The following PCDHGB2 variants were observed in gnomAD, a reference collection of about 807,000 sequenced individuals.
PCDHGB2 encodes the protein protocadherin gamma subfamily B, 2, also known as protocadherin gamma-B2.
In PCDHGB2, 55 loss-of-function variants were observed where a neutral mutation model predicts 59.3. The observed-to-expected ratio is 0.93, with a 90% CI of 0.75 to 1.16. PCDHGB2 has a LOEUF of 1.16. Ranked by LOEUF, PCDHGB2 falls within the 50% of genes most tolerant of loss-of-function variation. The probability of loss-of-function intolerance (pLI) is 0.00; values close to 1 mark genes in which losing one functional copy is unlikely to be tolerated. For synonymous variants in PCDHGB2, 516 were observed against 512.0 expected, an observed-to-expected ratio of 1.01 and a Z score of -0.11; for missense variants, 1,228 against 1,198.5, an observed-to-expected ratio of 1.02 and a Z score of -0.36.
At chr5:141,398,908 G>C (rs2093725359) in intron 1 of PCDHGB2, 1 of 1,613,860 alleles carries the variant, frequency 6.2e-7, no homozygotes, top group South Asian at 1.1e-5. Flanking sequence ...AGGCACCACT[G>C]TGTTGCAAGT....
chr5:141,407,873 A>T (rs561323423), intron 1 of PCDHGB2: 1 of 354,686 alleles, frequency 2.8e-6, no homozygotes, highest in Non-Finnish European at 5.1e-6. Flanking sequence ...CGAAGAATAT[A>T]TACATTTCGG....
At chr5:141,409,294 G>T (rs1438036410) in intron 1 of PCDHGB2, 11 of 1,613,826 alleles carry the variant, frequency 6.8e-6, no homozygotes, top group South Asian at 1.1e-5. Flanking sequence ...CTCCAGGAAT[G>T]GTTGTTGCCC....
At position 141,423,009 on chromosome 5, in the gene PCDHGB2, G is replaced by A. The variant is rs371209178; in HGVS notation, c.2421+60453G>A. 28 of 1,614,222 alleles carry A rather than the reference G, an allele frequency of 1.7e-5. No individual in the cohort carries two copies. The East Asian group carries it at 4.9e-4, about 28-fold the overall frequency. On this transcript the variant is annotated intron_variant, in intron 1 of 3. Transcript: ENST00000522605. ...GCTACCTGGTGACCAAGGTGGTTGC[G>A]GTGGACAAAGATTCAGGCCAGAACG...
chr5:141,422,643 C>T, intron 1 of PCDHGB2: 1 of 1,612,336 alleles, frequency 6.2e-7, no homozygotes, highest in Non-Finnish European at 8.5e-7. Flanking sequence ...GTGCCTCCAT[C>T]TTCTCAGTGA....
Position 141,486,880 on chromosome 5 carries a change from G to T in PCDHGB2, c.2422-7927G>T. On this transcript the variant is annotated intron_variant, in intron 1 of 3. Transcript: ENST00000522605. The surrounding 1 kb of genome is among the most constrained non-coding windows in gnomAD (Gnocchi z 5.0). The stretch of plus-strand genomic sequence containing the variant: ...ATGCTCCAGCTGTGCTCCGTCCTCG[G>T]GCCCGGCCTGGTTCCTTATGTCCCC... The T allele has an allele frequency of 6.2e-7, 1 of 1,614,212 alleles. No homozygotes were observed. Among genetic ancestry groups the T allele is most frequent in the East Asian group, 2.2e-5 (1 of 44,882 alleles).
chr5:141,423,106 G>T lies in PCDHGB2; in HGVS notation c.2421+60550G>T, dbSNP rs562864937. On this transcript the variant is annotated intron_variant, in intron 1 of 3. Coordinates refer to ENST00000522605, the MANE Select transcript of PCDHGB2 (RefSeq NM_018923.3). ...CGCGGTGGGGGAGCACACGGGCGAGGTGCGTACAGCGCGGGCACTGCTGGA... is the reference window on the plus strand; with the variant it reads ...CGCGGTGGGGGAGCACACGGGCGAGTTGCGTACAGCGCGGGCACTGCTGGA... The T allele has an allele frequency of 1.2e-5, 19 of 1,613,894 alleles. No individual in the cohort carries two copies. The African/African-American group carries it at 2.1e-4, about 18-fold the overall frequency.
At chr5:141,399,653 TG>T in intron 1 of PCDHGB2, 1 of 1,613,606 alleles carries the variant, frequency 6.2e-7, no homozygotes, top group Non-Finnish European at 8.5e-7. Flanking sequence ...CAAAGTGGGG[TG>T]GTGTTCGCGC....
chr5:141,492,695 A>G (rs925499358), intron 1 of PCDHGB2, among the ~76,000 whole-genome samples: 14 of 152,214 alleles, frequency 9.2e-5, no homozygotes, highest in African/African-American at 3.1e-4. Context: ...CGACCCCTCA[A>G]CCCAGAAGCC....
rs150106838 is a variant in PCDHGB2, at chr5:141,503,886, T to C, written c.2481-1507T>C. On this transcript the variant is annotated intron_variant, in intron 2 of 3. Coordinates refer to ENST00000522605, the MANE Select transcript of PCDHGB2 (RefSeq NM_018923.3). Reference sequence around the variant, plus strand: ...AGTTCTTGGTTGTGCTCACCCACCATGACAAAATATGCACACACACAACGC... The same window carrying C: ...AGTTCTTGGTTGTGCTCACCCACCACGACAAAATATGCACACACACAACGC... Among the ~76,000 whole-genome samples, 20 of 152,290 alleles carry C rather than the reference T, an allele frequency of 1.3e-4. No individual in the cohort carries two copies. The South Asian group carries it at 3.9e-3, about 30-fold the overall frequency.
At chr5:141,436,829 G>C (rs1194891483) in intron 1 of PCDHGB2, among the ~76,000 whole-genome samples, 3 of 152,214 alleles carry the variant, frequency 2.0e-5, no homozygotes, top group African/African-American at 7.2e-5. Flanking sequence ...AAAATCTTAA[G>C]TGCCTAGGCA....
chr5:141,414,463 G>T, intron 1 of PCDHGB2: 1 of 1,613,932 alleles, frequency 6.2e-7, no homozygotes. Flanking sequence ...GACAGCCACA[G>T]ATGGGGGAAG....
chr5:141,427,151 G>A (rs1481629222), intron 1 of PCDHGB2: 1 of 456,934 alleles, frequency 2.2e-6, no homozygotes, highest in Admixed American at 2.3e-5. Flanking sequence ...TTGGAAATAT[G>A]TTTGTGCTAG....
intron 1 of PCDHGB2, chr5:141,414,379 A>G (rs2095740987): frequency 1.2e-6 from 2 of 1,613,912 alleles, no homozygotes; most frequent in African/African-American, 1.3e-5. Context: ...AGAAAAGTCC[A>G]TTGACAGTTA....
In PCDHGB2 at chr5:141,486,336, G is replaced by A. The variant is rs534793835; in HGVS notation, c.2422-8471G>A. 3.8e-5 allele frequency: 61 copies of A among 1,613,992 alleles called. No individual in the cohort carries two copies. In the African/African-American group the frequency reaches 4.3e-4, roughly 11 times the overall value. On this transcript the variant is annotated intron_variant, in intron 1 of 3. Coordinates refer to ENST00000522605, the MANE Select transcript of PCDHGB2 (RefSeq NM_018923.3). The surrounding 1 kb of genome is among the most constrained non-coding windows in gnomAD (Gnocchi z 5.0). The stretch of plus-strand genomic sequence containing the variant: ...GGGTCAAACGGAGATGTGAGCCTCC[G>A]CATTCCTGACCACTTGCCATTTGCC...
intron 1 of PCDHGB2, chr5:141,366,272 G>T (rs749693337): frequency 1.9e-6 from 3 of 1,613,726 alleles, no homozygotes; most frequent in South Asian, 1.1e-5. Context: ...GGCCGTCGAA[G>T]ACCATGGCCA....
At chr5:141,488,738 ATGCAGGAAGT>A (rs771423337) in intron 1 of PCDHGB2, among the ~76,000 whole-genome samples, 1 of 152,222 alleles carries the variant, frequency 6.6e-6, no homozygotes, top group Non-Finnish European at 1.5e-5. Flanking sequence ...TTCTGAAGTC[ATGCAGGAAGT>A]TGCTGGGACA....
At chr5:141,403,616 C>G (rs2094434764) in intron 1 of PCDHGB2, 11 of 1,613,892 alleles carry the variant, frequency 6.8e-6, no homozygotes, top group Non-Finnish European at 9.3e-6. Flanking sequence ...CGAGCCGCGT[C>G]GCTCCAGCAC....
intron 1 of PCDHGB2, chr5:141,374,866 G>T (rs956228027): frequency 3.1e-6 from 5 of 1,613,750 alleles, no homozygotes; most frequent in Non-Finnish European, 4.2e-6. Context: ...GCACACCAGT[G>T]TTGGCAGTGA....
intron 1 of PCDHGB2, among the ~76,000 whole-genome samples, chr5:141,467,361 G>A (rs555435172): frequency 1.3e-5 from 2 of 151,860 alleles, no homozygotes; most frequent in South Asian, 4.2e-4. Context: ...CCAAATCAAC[G>A]TTTTCTTATA....
Sources: gnomAD v4.1 joint callset for allele counts (sites outside exome capture counted in the v4.1 genomes callset) on GRCh38, gnomAD v4.1.1 for gene constraint, Gnocchi (gnomAD v3.1) non-coding constraint, MANE v1.5 for transcripts, NCBI Gene and HGNC (gene_info 2026-07-23, HGNC 2026-07-21) for gene names.